NDST4: variants seen among roughly 807,000 people sequenced by gnomAD.
NDST4 encodes the protein N-heparan sulfate sulfotransferase 4.
NDST4 carries 63 observed loss-of-function variants against 100.8 expected under a neutral mutation model. The observed-to-expected ratio is 0.62, with a 90% CI of 0.51 to 0.77. NDST4 has a LOEUF of 0.77. Ranked by LOEUF, NDST4 falls within the 30% of genes least tolerant of loss-of-function variation. The probability of loss-of-function intolerance (pLI) is 0.00; values close to 1 mark genes in which losing one functional copy is unlikely to be tolerated. For missense variants in NDST4, 943 were observed against 1,018.4 expected (o/e 0.93, Z 1.01); for synonymous variants, 377 against 361.8 (o/e 1.04, Z -0.48).
At chr4:115,068,582 G>T (rs1188176196) in intron 2 of NDST4, among the ~76,000 whole-genome samples, 1 of 151,046 alleles carries the variant, frequency 6.6e-6, no homozygotes, top group Non-Finnish European at 1.5e-5. Flanking sequence ...GCTGAGGAGG[G>T]CAGATCATGA....
chr4:115,088,320 A>ATT lies in NDST4; in HGVS notation c.-246-11040_-246-11039dup, dbSNP rs370454710. The stretch of plus-strand genomic sequence containing the variant: ...ATAATGTATATCTCTTCTAAAGTTA[A>ATT]TTTTTTTTTTTTTGCCTCCACCTAT... On this transcript the variant is annotated intron_variant, in intron 1 of 13. Transcript: ENST00000264363. Among the ~76,000 whole-genome samples the ATT allele has an allele frequency of 3.7e-3, 548 of 148,656 alleles. 2 individuals carry two copies. Among genetic ancestry groups the ATT allele is most frequent in the South Asian group, 4.9e-3 (23 of 4,718 alleles).
rs546697534 is a variant in NDST4 at position 114,904,381 on chromosome 4, T to A, written c.1536+30825A>T. On this transcript the variant is annotated intron_variant, in intron 6 of 13. Coordinates refer to ENST00000264363, the MANE Select transcript of NDST4 (RefSeq NM_022569.3). The stretch of plus-strand genomic sequence containing the variant: ...ATTTTACACGATATTCTTGTTCTTT[T>A]ACTCTAGAATTATACGTTATTATTA... Among the ~76,000 whole-genome samples the A allele has an allele frequency of 3.9e-5, 6 of 152,086 alleles. No individual in the cohort carries two copies. The South Asian group carries it at 1.2e-3, about 32-fold the overall frequency.
chr4:114,999,262 G>A (rs1000687798), intron 2 of NDST4, among the ~76,000 whole-genome samples: 3 of 152,060 alleles, frequency 2.0e-5, no homozygotes, highest in African/African-American at 7.2e-5. Context: ...ATCATAAGCA[G>A]TCTTGCTTCT....
At chr4:114,933,432 C>CG (rs1553955190) in intron 6 of NDST4, among the ~76,000 whole-genome samples, 1 of 89,278 alleles carries the variant, frequency 1.1e-5, no homozygotes, top group African/African-American at 4.5e-5. Context: ...TTTTCTTTTC[C>CG]TTTTTTTTTT....
At chr4:114,882,782 G>GCTTGTT in intron 6 of NDST4, among the ~76,000 whole-genome samples, 1 of 151,680 alleles carries the variant, frequency 6.6e-6, no homozygotes, top group South Asian at 2.1e-4. Context: ...ACATCAAGCA[G>GCTTGTT]GATAAGTACC....
Position 114,870,817 on chromosome 4 carries a change from G to A in NDST4, c.1670C>T (p.Ala557Val). 1.2e-6 allele frequency: 2 copies of A among 1,613,034 alleles called. No homozygotes were observed. Among genetic ancestry groups the A allele is most frequent in the South Asian group, 2.2e-5 (2 of 91,024 alleles). Residue 557 changes from alanine to valine, a missense_variant, in exon 7 of 14, where the codon GCC (alanine) becomes GTC (valine). Physicochemically the swap from Ala to Val is moderately conservative, Grantham distance 64 (BLOSUM62 0). Around this residue, in one of 2 missense-constraint regions of NDST4, gnomAD observed 526 missense variants for 634.1 expected, o/e 0.83. Transcript: ENST00000264363. The stretch of plus-strand genomic sequence containing the variant: ...AGGGAAGAGCTCAAAATACTGGTGG[G>A]CCAGTTGCACTGGAGGCAGAGTTTG... ...KLQTLPPVQL[A>V]HQYFELFPEQ...
chr4:114,943,126 A>G (rs1398615177), intron 4 of NDST4, among the ~76,000 whole-genome samples: 3 of 148,696 alleles, frequency 2.0e-5, no homozygotes, highest in African/African-American at 7.3e-5. Context: ...GATAAGCTTA[A>G]AAAGATAACA....
intron 10 of NDST4, among the ~76,000 whole-genome samples, chr4:114,843,775 C>T (rs1229399552): frequency 6.6e-6 from 1 of 152,022 alleles, no homozygotes; most frequent in African/African-American, 2.4e-5. Flanking sequence ...TCTTTCTTGG[C>T]GCCTCATCCC....
chr4:114,887,270 T>C (rs1016736851), intron 6 of NDST4, among the ~76,000 whole-genome samples: 1 of 152,192 alleles, frequency 6.6e-6, no homozygotes, highest in Non-Finnish European at 1.5e-5. Context: ...TTGTTTAGTG[T>C]AAAAATTGAT....
At chr4:114,874,905 C>T (rs1320082169) in intron 6 of NDST4, among the ~76,000 whole-genome samples, 1 of 151,920 alleles carries the variant, frequency 6.6e-6, no homozygotes, top group East Asian at 1.9e-4. Flanking sequence ...AATAATCTTT[C>T]TCAACAGTGT....
At chr4:114,994,955 G>A (rs1271278705) in intron 2 of NDST4, among the ~76,000 whole-genome samples, 1 of 151,792 alleles carries the variant, frequency 6.6e-6, no homozygotes, top group Non-Finnish European at 1.5e-5. Flanking sequence ...CTTTTTTTGG[G>A]ATAGGTCACT....
chr4:114,934,174 A>T lies in NDST4; in HGVS notation c.1536+1032T>A, dbSNP rs1217842419. The stretch of plus-strand genomic sequence containing the variant: ...TAAAATAAAATATTATTCATCCTTA[A>T]AAAAGAAGGAAATCTTGTCATTTGT... On this transcript the variant is annotated intron_variant, in intron 6 of 13. Transcript: ENST00000264363. Among the ~76,000 whole-genome samples the T allele has an allele frequency of 3.9e-5, 6 of 152,188 alleles. No homozygotes were observed. In the East Asian group the frequency reaches 1.2e-3, roughly 29 times the overall value.
intron 2 of NDST4, among the ~76,000 whole-genome samples, chr4:115,047,748 G>A (rs1192190886): frequency 6.6e-6 from 1 of 151,940 alleles, no homozygotes; most frequent in South Asian, 2.1e-4. Flanking sequence ...AGTTAATTGA[G>A]TCAAATCTTA....
chr4:114,990,003 T>TA lies in NDST4; in HGVS notation c.979-12730dup, dbSNP rs573647086. Among the ~76,000 whole-genome samples, 202 of 152,262 alleles carry TA rather than the reference T, an allele frequency of 1.3e-3. 1 individual carries two copies. The highest frequency in any genetic ancestry group is 3.4e-3 in the Middle Eastern group (1 of 294). Reference sequence around the variant, plus strand: ...TTCATCGGCATAAATCAGGTGTTCTTAATCTATGACATTTTTGACACTTCC... The same window carrying TA: ...TTCATCGGCATAAATCAGGTGTTCTTAAATCTATGACATTTTTGACACTTCC... On this transcript the variant is annotated intron_variant, in intron 2 of 13. Coordinates refer to ENST00000264363, the MANE Select transcript of NDST4 (RefSeq NM_022569.3).
intron 4 of NDST4, among the ~76,000 whole-genome samples, chr4:114,969,078 T>C (rs1460478361): frequency 1.3e-5 from 2 of 152,188 alleles, no homozygotes; most frequent in Non-Finnish European, 2.9e-5. Flanking sequence ...TTGCAACAAA[T>C]GATTTTTTAA....
intron 1 of NDST4, among the ~76,000 whole-genome samples, chr4:115,086,177 A>C (rs1297246319): frequency 6.6e-6 from 1 of 152,188 alleles, no homozygotes; most frequent in East Asian, 1.9e-4. Context: ...TTGATTAAAT[A>C]GTAGTTGAGA....
chr4:114,828,723 A>C (rs1351988242), intron 13 of NDST4, among the ~76,000 whole-genome samples: 1 of 152,156 alleles, frequency 6.6e-6, no homozygotes, highest in Admixed American at 6.5e-5. Flanking sequence ...GGAGACGAAC[A>C]CTTTTCCTGT....
chr4:114,997,701 C>A (rs1052248829), intron 2 of NDST4, among the ~76,000 whole-genome samples: 1 of 152,040 alleles, frequency 6.6e-6, no homozygotes, highest in East Asian at 1.9e-4. Flanking sequence ...AATAAACATG[C>A]ACAATGCCTT....
rs1348833226 is a variant in NDST4 at position 115,009,254 on chromosome 4, T to C, written c.979-31980A>G. ...CAATCCTAAGCCAAAAGAACAAAGCTGGAGGCATCACGCTACCTAACTTCA... is the reference window on the plus strand; with the variant it reads ...CAATCCTAAGCCAAAAGAACAAAGCCGGAGGCATCACGCTACCTAACTTCA... On this transcript the variant is annotated intron_variant, in intron 2 of 13. Transcript: ENST00000264363. Among the ~76,000 whole-genome samples, 3 of 129,232 alleles carry C rather than the reference T, an allele frequency of 2.3e-5. 1 individual carries two copies. The highest frequency in any genetic ancestry group is 3.3e-5 in the Non-Finnish European group (2 of 60,394). The allele number at this position is 129,232 out of a possible 152,430, so 84.8% of individuals were successfully genotyped here. A position where few individuals can be genotyped will look rare whatever the true frequency, so the allele number is the denominator to read the frequency against.
Sources: allele counts gnomAD v4.1 joint callset (sites outside exome capture counted in the v4.1 genomes callset), GRCh38; gene constraint gnomAD v4.1.1; regional missense constraint gnomAD v4.1.1; transcripts MANE v1.5; gene names NCBI Gene and HGNC (gene_info 2026-07-23, HGNC 2026-07-21).